Variants in FOXP2 observed in about 807,000 individuals in gnomAD.
The protein encoded by FOXP2 is forkhead box protein P2.
FOXP2 carries 12 observed loss-of-function variants against 115.8 expected under a neutral mutation model. The ratio of observed to expected loss-of-function variants is 0.10; its 90% CI spans 0.07 to 0.17. FOXP2 has a LOEUF of 0.17. FOXP2 is among the 10% of genes least tolerant of loss of function. The pLI, the probability that FOXP2 is intolerant of heterozygous loss-of-function variation, is 1.00. For missense variants in FOXP2, 629 were observed against 843.5 expected (o/e 0.75, Z 3.15); for synonymous variants, 328 against 297.7 (o/e 1.10, Z -1.05).
chr7:114,534,688 T>C lies in FOXP2; in HGVS notation c.240T>C (p.Asp80=). Residue 80 remains aspartate (D), a synonymous_variant, in exon 3 of 17, where the codon GAT becomes GAC. Coordinates refer to ENST00000350908, the MANE Select transcript of FOXP2 (RefSeq NM_014491.4). Reference sequence around the variant, plus strand: ...GATTGAAATCTCCTAAGAGCAGTGATAAACAGAGACCACTGCAGGTTAGTA... The same window carrying C: ...GATTGAAATCTCCTAAGAGCAGTGACAAACAGAGACCACTGCAGGTTAGTA... The part of the protein sequence containing the change: ...TSGLKSPKSS[D]KQRPLQVPVS... 6.2e-7 allele frequency: 1 copy of C among 1,611,894 alleles called. No individual in the cohort carries two copies. Among genetic ancestry groups the C allele is most frequent in the Non-Finnish European group, 8.5e-7 (1 of 1,178,460 alleles).
At chr7:114,571,275 G>A (rs539022690) in intron 3 of FOXP2, among the ~76,000 whole-genome samples, 2 of 151,948 alleles carry the variant, frequency 1.3e-5, no homozygotes, top group African/African-American at 4.8e-5. Context: ...TGTTCTTCAA[G>A]TTGTCATATA....
rs1805797966 is a variant in FOXP2 at position 114,645,014 on chromosome 7, AT to A, written c.1094+226del. ...GTAAAGATTTTTGAATGAATGAAAA[AT>A]ATTAGCCTACAATAATATGTCATTA... is the stretch of plus-strand genomic sequence containing the variant. On this transcript the variant is annotated intron_variant, in intron 8 of 16. Coordinates refer to ENST00000350908, the MANE Select transcript of FOXP2 (RefSeq NM_014491.4). 1.2e-5 allele frequency: 5 copies of A among 421,940 alleles called. No individual in the cohort carries two copies. The South Asian group carries it at 1.2e-4, about 10-fold the overall frequency. 26.1% of individuals were successfully genotyped at this position (421,940 alleles called of 1,614,324 possible). A position where few individuals can be genotyped will look rare whatever the true frequency, so the allele number is the denominator to read the frequency against.
intron 1 of FOXP2, among the ~76,000 whole-genome samples, chr7:114,171,870 C>T (rs1793151196): frequency 6.6e-6 from 1 of 152,112 alleles, no homozygotes; most frequent in Non-Finnish European, 1.5e-5. Flanking sequence ...GTCAAAATAT[C>T]AACATTAACA....
chr7:114,618,727 A>C (rs1316039124), intron 3 of FOXP2, among the ~76,000 whole-genome samples: 2 of 152,258 alleles, frequency 1.3e-5, no homozygotes, highest in South Asian at 4.1e-4. Flanking sequence ...TCAGGAGTCT[A>C]TGTAGGTGAA....
At chr7:114,133,314 A>G (rs1791942324) in intron 1 of FOXP2, among the ~76,000 whole-genome samples, 1 of 152,234 alleles carries the variant, frequency 6.6e-6, no homozygotes. Flanking sequence ...AATTTTGTAC[A>G]TGTTGGAGAG....
intron 2 of FOXP2, among the ~76,000 whole-genome samples, chr7:114,476,734 A>G (rs1287506885): frequency 3.3e-5 from 5 of 151,998 alleles, no homozygotes; most frequent in African/African-American, 4.8e-5. Context: ...TAGGATATCA[A>G]TTCTCCCAAA....
At position 114,663,479 on chromosome 7, in the gene FOXP2, C is replaced by T; in HGVS notation, c.1799C>T (p.Thr600Ile). 1 of 1,610,876 alleles carries T rather than the reference C, an allele frequency of 6.2e-7. No individual in the cohort carries two copies. Among genetic ancestry groups the T allele is most frequent in the East Asian group, 2.2e-5 (1 of 44,764 alleles). The stretch of plus-strand genomic sequence containing the variant: ...CCAACCTTAGTAAAAAATATACCTA[C>T]CAGTTTAGGCTATGGAGCAGCTCTT... Reference protein sequence around the residue: ...GSPTLVKNIPTSLGYGAALNA... With the variant: ...GSPTLVKNIPISLGYGAALNA... Residue 600 changes from threonine (T) to isoleucine (I), a missense_variant, in exon 15 of 17, where the codon ACC becomes ATC. Physicochemically the swap from Thr to Ile is moderately conservative, Grantham distance 89. Coordinates refer to ENST00000350908, the MANE Select transcript of FOXP2 (RefSeq NM_014491.4).
chr7:114,439,102 A>G (rs557066029), intron 2 of FOXP2, among the ~76,000 whole-genome samples: 2 of 152,310 alleles, frequency 1.3e-5, no homozygotes, highest in Non-Finnish European at 2.9e-5. Context: ...GTGAGGTCAT[A>G]TAAATTGGAG....
At chr7:114,294,610 G>A (rs1310009631) in intron 2 of FOXP2, among the ~76,000 whole-genome samples, 1 of 152,064 alleles carries the variant, frequency 6.6e-6, no homozygotes, top group African/African-American at 2.4e-5. Context: ...AGAGGCTGAG[G>A]CAGGGGGATC....
At chr7:114,418,057 GA>G (rs1793426907) in intron 1 of FOXP2, among the ~76,000 whole-genome samples, 1 of 151,850 alleles carries the variant, frequency 6.6e-6, no homozygotes, top group Non-Finnish European at 1.5e-5. Flanking sequence ...CCTTTAAAAG[GA>G]ACAACAAGGC....
chr7:114,420,639 A>T (rs545094431), intron 1 of FOXP2, among the ~76,000 whole-genome samples: 17 of 152,010 alleles, frequency 1.1e-4, no homozygotes, highest in Admixed American at 8.5e-4. Context: ...AGGATAACAC[A>T]TTGCAAAAAA....
intron 1 of FOXP2, among the ~76,000 whole-genome samples, chr7:114,255,282 ACT>A (rs1004735953): frequency 6.6e-5 from 10 of 151,898 alleles, no homozygotes; most frequent in African/African-American, 2.4e-4. Flanking sequence ...CAGATCTTAA[ACT>A]CTGTGCTGGG....
chr7:114,342,773 T>C (rs1227843156), intron 2 of FOXP2, among the ~76,000 whole-genome samples: 1 of 151,526 alleles, frequency 6.6e-6, no homozygotes, highest in Admixed American at 6.6e-5. Flanking sequence ...TGAAAATAAA[T>C]TTTAGGGAGG....
At chr7:114,554,296 G>A (rs1464974402) in intron 3 of FOXP2, among the ~76,000 whole-genome samples, 1 of 152,078 alleles carries the variant, frequency 6.6e-6, no homozygotes, top group Non-Finnish European at 1.5e-5. Flanking sequence ...AAGAACAGGT[G>A]TAGAAAACAG....
intron 16 of FOXP2, among the ~76,000 whole-genome samples, chr7:114,681,630 A>G (rs957119193): frequency 1.3e-5 from 2 of 152,308 alleles, no homozygotes; most frequent in South Asian, 4.1e-4. Context: ...ACTTTCTTCT[A>G]TTGATCTGAA....
chr7:114,180,569 T>A (rs1793429787), intron 1 of FOXP2, among the ~76,000 whole-genome samples: 1 of 151,990 alleles, frequency 6.6e-6, no homozygotes. Context: ...TAAATACATG[T>A]ATAATTAAGT....
At chr7:114,398,191 G>A (rs984619709) in intron 2 of FOXP2, among the ~76,000 whole-genome samples, 8 of 151,954 alleles carry the variant, frequency 5.3e-5, no homozygotes, top group Non-Finnish European at 1.2e-4. Flanking sequence ...GATATTTGCA[G>A]TAAAAAATTA....
At chr7:114,614,724 A>G (rs943651775) in intron 3 of FOXP2, among the ~76,000 whole-genome samples, 2 of 152,210 alleles carry the variant, frequency 1.3e-5, no homozygotes, top group Admixed American at 6.5e-5. Context: ...ATCAGAAGAC[A>G]TAACGGAAGA....
At chr7:114,585,706 A>C (rs1481920315) in intron 3 of FOXP2, among the ~76,000 whole-genome samples, 2 of 152,140 alleles carry the variant, frequency 1.3e-5, no homozygotes, top group Non-Finnish European at 2.9e-5. Context: ...CTCTACCAAA[A>C]ATACAAAAGA....
Sources: gnomAD v4.1 joint callset for allele counts (sites outside exome capture counted in the v4.1 genomes callset) on GRCh38, gnomAD v4.1.1 for gene constraint, MANE v1.5 for transcripts, NCBI Gene and HGNC (gene_info 2026-07-23, HGNC 2026-07-21) for gene names.